Variants in MYH11 observed in about 807,000 individuals in gnomAD.
MYH11 encodes the protein myosin-11.
A neutral mutation model predicts 246.6 loss-of-function variants in MYH11; 80 were observed. The ratio of observed to expected loss-of-function variants is 0.32; its 90% CI spans 0.27 to 0.39. The LOEUF is 0.39. Among genes scored for constraint, MYH11 ranks in the 10% least tolerant of loss-of-function variants. The pLI is 1.00. For missense variants in MYH11, 2,158 were observed against 2,546.8 expected (o/e 0.85, Z 3.29); for synonymous variants, 1,071 against 1,015.5 (o/e 1.05, Z -1.04).
chr16:15,753,327 C>T (rs992452615), intron 15 of MYH11, 67 bp downstream of exon 15: 18 of 1,411,770 alleles, frequency 1.3e-5, no homozygotes, highest in East Asian at 6.8e-5. Context: ...GTGTGAGAGT[C>T]GGGGGACTTG....
intron 40 of MYH11, chr16:15,714,376 G>A (rs1281371788): frequency 5.7e-6 from 1 of 174,146 alleles, no homozygotes; most frequent in Non-Finnish European, 1.2e-5. Context: ...GGGGACTACT[G>A]CAGCCGGTGG....
rs190666606 is a variant in MYH11, at chr16:15,703,331, T to C, written c.*660A>G. On this transcript the variant is annotated 3_prime_UTR_variant, in exon 41 of 41. Transcript: ENST00000300036. ...GGAAAGAATTCTCAAAGGCCTGACG[T>C]GAGAAGTTGGAAAGGTTTGCAGGTT... 4.3e-6 allele frequency: 1 copy of C among 230,766 alleles called. No homozygotes were observed. The highest frequency in any genetic ancestry group is 8.6e-6 in the Non-Finnish European group (1 of 115,980). The allele number at this position is 230,766 out of a possible 1,614,324, so 14.3% of individuals were successfully genotyped here. A position where few individuals can be genotyped will look rare whatever the true frequency, so the allele number is the denominator to read the frequency against.
chr16:15,845,362 A>G lies in MYH11; in HGVS notation c.-17-7093T>C, dbSNP rs143231049. On this transcript the variant is annotated intron_variant, in intron 1 of 40. Transcript: ENST00000300036. ...GCTAGTGTATTTTACGTGTGGCCCAAGACAATTCTTCTTTTTCTGGGGTGG... is the reference window on the plus strand; with the variant it reads ...GCTAGTGTATTTTACGTGTGGCCCAGGACAATTCTTCTTTTTCTGGGGTGG... 4.7e-3 allele frequency among the ~76,000 whole-genome samples: 708 copies of G among 151,094 alleles called. 4 individuals are homozygous for G. The highest frequency in any genetic ancestry group is 0.017 in the African/African-American group (678 of 41,044).
chr16:15,809,636 G>A (rs2043093665), intron 3 of MYH11, among the ~76,000 whole-genome samples: 1 of 151,690 alleles, frequency 6.6e-6, no homozygotes, highest in Non-Finnish European at 1.5e-5. Flanking sequence ...AACAAGGAAG[G>A]TGCTGGCCAG....
intron 16 of MYH11, 144 bp downstream of exon 16, chr16:15,749,994 T>A: frequency 6.0e-6 from 6 of 1,003,582 alleles, no homozygotes; most frequent in Non-Finnish European, 8.9e-6. Flanking sequence ...GGATGGGGAA[T>A]GGGTCTGAGA....
At position 15,821,784 on chromosome 16, in the gene MYH11, G is replaced by A. The variant is rs1035883117; in HGVS notation, c.502+1471C>T. ...ATACAAAAAATTAGCCGGGCGCGGT[G>A]GCGGGCGCCTGTAGTCCCAGCTACT... On this transcript the variant is annotated intron_variant, in intron 3 of 40. Coordinates refer to ENST00000300036, the MANE Select transcript of MYH11 (RefSeq NM_002474.3). Among the ~76,000 whole-genome samples the A allele has an allele frequency of 1.2e-4, 18 of 144,950 alleles. 2 individuals carry two copies. Among genetic ancestry groups the A allele is most frequent in the Non-Finnish European group, 3.0e-5 (2 of 65,844 alleles).
chr16:15,714,632 T>A (rs1029398369), intron 40 of MYH11: 4 of 568,006 alleles, frequency 7.0e-6, no homozygotes, highest in Non-Finnish European at 1.3e-5. Flanking sequence ...ACAGTGGGGA[T>A]AGCCTCTTCC....
intron 37 of MYH11, chr16:15,718,113 G>A: frequency 1.3e-6 from 1 of 779,546 alleles, no homozygotes; most frequent in Non-Finnish European, 2.1e-6. Context: ...AGACACTGCA[G>A]CGTGGAGAGG....
rs557459331 is a variant in MYH11 at position 15,714,673 on chromosome 16, C to T, written c.5786+236G>A. ...CTCAGCCGGAGGACCGGATGGGAGA[C>T]GGTCGATCGTTAAAGGATCTAGAAG... is the stretch of plus-strand genomic sequence containing the variant. On this transcript the variant is annotated intron_variant, in intron 40 of 40. Coordinates refer to ENST00000300036, the MANE Select transcript of MYH11 (RefSeq NM_002474.3). The T allele has an allele frequency of 3.2e-5, 19 of 602,728 alleles. 1 individual carries two copies. The highest frequency in any genetic ancestry group is 2.0e-4 in the African/African-American group (11 of 54,026). 37.3% of individuals were successfully genotyped at this position (602,728 alleles called of 1,614,324 possible). A position where few individuals can be genotyped will look rare whatever the true frequency, so the allele number is the denominator to read the frequency against.
At chr16:15,843,038 G>C (rs2044096298) in intron 1 of MYH11, among the ~76,000 whole-genome samples, 1 of 152,052 alleles carries the variant, frequency 6.6e-6, no homozygotes, top group African/African-American at 2.4e-5. Context: ...AATACATGCA[G>C]AACAATAAAA....
chr16:15,774,134 G>A (rs1334488909), intron 8 of MYH11, among the ~76,000 whole-genome samples: 2 of 152,176 alleles, frequency 1.3e-5, no homozygotes, highest in East Asian at 3.8e-4. Flanking sequence ...ATTGACTGAA[G>A]GCACCAGTTA....
intron 2 of MYH11, among the ~76,000 whole-genome samples, chr16:15,826,097 T>G (rs2043556839): frequency 6.6e-6 from 1 of 152,162 alleles, no homozygotes; most frequent in Non-Finnish European, 1.5e-5. Flanking sequence ...CATTATGCTA[T>G]CCAGCCTAGG....
intron 10 of MYH11, among the ~76,000 whole-genome samples, chr16:15,763,006 C>T (rs974943165): frequency 2.6e-5 from 4 of 152,296 alleles, no homozygotes; most frequent in Admixed American, 6.5e-5. Context: ...ACACAAAATA[C>T]TGTTTATTTG....
At chr16:15,770,483 G>C (rs892186586) in intron 9 of MYH11, among the ~76,000 whole-genome samples, 1 of 152,156 alleles carries the variant, frequency 6.6e-6, no homozygotes, top group African/African-American at 2.4e-5. Context: ...TTCTTTCTGA[G>C]CTGTCCTGTT....
At chr16:15,807,939 T>G (rs9929886) in intron 3 of MYH11, among the ~76,000 whole-genome samples, 19,232 of 152,208 alleles carry the variant, frequency 0.13, 1,478 homozygotes, top group African/African-American at 0.2. Flanking sequence ...GCCAGAGCAC[T>G]GTAGGCTGAC....
chr16:15,715,953 C>T (rs1435328799), intron 38 of MYH11, among the ~76,000 whole-genome samples: 1 of 152,052 alleles, frequency 6.6e-6, no homozygotes, highest in Non-Finnish European at 1.5e-5. Context: ...TGGTGAAACC[C>T]CATCCCTACT....
chr16:15,709,157 G>T (rs1468756186), intron 40 of MYH11, among the ~76,000 whole-genome samples: 1 of 151,702 alleles, frequency 6.6e-6, no homozygotes, highest in Admixed American at 6.6e-5. Flanking sequence ...GGTCAGGCTT[G>T]TCTCCAACTC....
At chr16:15,781,411 G>A (rs1331724428) in intron 6 of MYH11, among the ~76,000 whole-genome samples, 1 of 152,154 alleles carries the variant, frequency 6.6e-6, no homozygotes, top group Non-Finnish European at 1.5e-5. Context: ...ACCACCATGT[G>A]CATTTGCTCA....
intron 3 of MYH11, among the ~76,000 whole-genome samples, chr16:15,809,072 T>C (rs1021515216): frequency 2.6e-5 from 4 of 152,088 alleles, no homozygotes; most frequent in African/African-American, 9.7e-5. Flanking sequence ...TAGCCAAGCC[T>C]ACACTTCACC....
Sources: allele counts gnomAD v4.1 joint callset (sites outside exome capture counted in the v4.1 genomes callset), GRCh38; gene constraint gnomAD v4.1.1; transcripts MANE v1.5; gene names NCBI Gene and HGNC (gene_info 2026-07-23, HGNC 2026-07-21).